Variants in MYOCD observed in about 807,000 individuals in gnomAD.
MYOCD encodes the protein myocardin.
Under a neutral mutation model 96.1 loss-of-function variants are expected in MYOCD, and 32 were observed. That is an observed-to-expected ratio of 0.33 (90% CI 0.25 to 0.45). The LOEUF (loss-of-function observed/expected upper bound fraction) is 0.45, where lower values mean the gene tolerates loss of function less well. Among genes scored for constraint, MYOCD ranks in the 20% least tolerant of loss-of-function variants. MYOCD has a pLI of 1.00. For missense variants in MYOCD, 1,133 were observed against 1,200.6 expected (o/e 0.94, Z 0.83); for synonymous variants, 469 against 469.0 (o/e 1.00, Z 0.00).
intron 1 of MYOCD, among the ~76,000 whole-genome samples, chr17:12,684,340 CGG>C (rs2029976914): frequency 6.6e-6 from 1 of 152,114 alleles, no homozygotes; most frequent in African/African-American, 2.4e-5. Flanking sequence ...AAAAACATGC[CGG>C]TGTAGCCCTC....
Position 12,698,166 on chromosome 17 carries a change from T to C in MYOCD, c.56-6962T>C, listed in dbSNP as rs574988280. ...AAAAGGGAGTTTACGGAAATTGATC[T>C]GCTAATGCTGCGTAACATGTATTGC... On this transcript the variant is annotated intron_variant, in intron 1 of 13. Transcript: ENST00000425538. Among the ~76,000 whole-genome samples the C allele has an allele frequency of 2.5e-4, 38 of 152,312 alleles. 1 individual carries two copies. The highest frequency in any genetic ancestry group is 8.9e-4 in the African/African-American group (37 of 41,566).
At chr17:12,741,686 G>C (rs1253209577) in intron 7 of MYOCD, among the ~76,000 whole-genome samples, 1 of 148,712 alleles carries the variant, frequency 6.7e-6, no homozygotes, top group Non-Finnish European at 1.5e-5. Context: ...CTCTAGCCTG[G>C]TCGACAGAGC....
At position 12,763,326 on chromosome 17, in the gene MYOCD, T is replaced by C; in HGVS notation, c.2643T>C (p.Pro881=). 1.2e-6 allele frequency: 2 copies of C among 1,607,582 alleles called. No individual in the cohort carries two copies. The highest frequency in any genetic ancestry group is 2.2e-5 in the East Asian group (1 of 44,844). The change falls in exon 14 of 14, where the codon CCT becomes CCC. Residue 881 remains proline, a synonymous_variant. Coordinates refer to ENST00000425538, the MANE Select transcript of MYOCD (RefSeq NM_001146312.3). ...VTLLKIGSEE[P]HFDGIMDGFS... ...TTCTAAAAATTGGGAGCGAAGAGCC[T>C]CACTTTGATGGGATAATGGATGGAT...
At position 12,758,019 on chromosome 17, in the gene MYOCD, A is replaced by G; in HGVS notation, c.2203-66A>G. Reference sequence around the variant, plus strand: ...TTCCAAAATTTAGCCTGTTGTTTCTAGAACAGAAACAACATAATTTCAGAT... The same window carrying G: ...TTCCAAAATTTAGCCTGTTGTTTCTGGAACAGAAACAACATAATTTCAGAT... On this transcript the variant is annotated intron_variant, in intron 11 of 13. Transcript: ENST00000425538. 5 of 1,291,234 alleles carry G rather than the reference A, an allele frequency of 3.9e-6. No homozygotes were observed. The East Asian group carries it at 7.0e-5, about 18-fold the overall frequency. 80.0% of individuals were successfully genotyped at this position (1,291,234 alleles called of 1,614,324 possible). A position where few individuals can be genotyped will look rare whatever the true frequency, so the allele number is the denominator to read the frequency against.
chr17:12,668,259 TCTC>T (rs1165858168), intron 1 of MYOCD, among the ~76,000 whole-genome samples: 1 of 151,934 alleles, frequency 6.6e-6, no homozygotes, highest in Non-Finnish European at 1.5e-5. Context: ...ATCATCTTCT[TCTC>T]CTCCTTCTCT....
intron 1 of MYOCD, among the ~76,000 whole-genome samples, chr17:12,676,317 TA>T (rs1487886691): frequency 3.4e-5 from 5 of 144,970 alleles, no homozygotes; most frequent in African/African-American, 1.3e-4. Context: ...CATAAGACAG[TA>T]AAAAAAGAAA....
chr17:12,679,997 A>G (rs771258538), intron 1 of MYOCD, among the ~76,000 whole-genome samples: 5 of 152,258 alleles, frequency 3.3e-5, no homozygotes, highest in Non-Finnish European at 7.3e-5. Flanking sequence ...CAAATTTTCT[A>G]TAATGAACAC....
intron 6 of MYOCD, 23 bp downstream of exon 6, chr17:12,736,359 G>A (rs761295860): frequency 1.9e-5 from 31 of 1,604,678 alleles, no homozygotes; most frequent in Admixed American, 8.7e-5. Flanking sequence ...ACAAACAAAC[G>A]AAAAAAGTAA....
At position 12,752,972 on chromosome 17, in the gene MYOCD, C is replaced by G. The variant is rs772816688; in HGVS notation, c.1684C>G (p.Pro562Ala). The change falls in exon 10 of 14, where the codon CCG (proline) becomes GCG (alanine). Residue 562 changes from proline (P) to alanine (A), a missense_variant. Pro to Ala is a conservative substitution (Grantham distance 27). Transcript: ENST00000425538. ...QKRNNCSEKK[P>A]LPFLAASIKQ... ...AAGGAATAACTGTTCAGAGAAGAAGCCGCTGCCTTTCCTGGCTGCCTCCAT... is the reference window on the plus strand; with the variant it reads ...AAGGAATAACTGTTCAGAGAAGAAGGCGCTGCCTTTCCTGGCTGCCTCCAT... 3.7e-6 allele frequency: 6 copies of G among 1,614,158 alleles called. No homozygotes were observed. The highest frequency in any genetic ancestry group is 1.1e-5 in the South Asian group (1 of 91,078).
intron 4 of MYOCD, among the ~76,000 whole-genome samples, chr17:12,719,173 T>TAAAAAAAAAA (rs2031741305): frequency 4.9e-5 from 1 of 20,486 alleles, no homozygotes. Flanking sequence ...AGACTCTGTC[T>TAAAAAAAAAA]CAAAAAAAAA....
intron 1 of MYOCD, among the ~76,000 whole-genome samples, chr17:12,699,457 T>C (rs2030953183): frequency 6.6e-6 from 1 of 152,188 alleles, no homozygotes; most frequent in Non-Finnish European, 1.5e-5. Context: ...CTTTTAGAAA[T>C]TCTGCTAAAA....
At chr17:12,724,798 A>G (rs1232773123) in intron 5 of MYOCD, among the ~76,000 whole-genome samples, 1 of 152,016 alleles carries the variant, frequency 6.6e-6, no homozygotes, top group African/African-American at 2.4e-5. Context: ...ATTTGTGTTA[A>G]TATCTGTCTT....
intron 1 of MYOCD, among the ~76,000 whole-genome samples, chr17:12,675,470 T>C (rs1402774845): frequency 6.6e-6 from 1 of 152,248 alleles, no homozygotes; most frequent in Non-Finnish European, 1.5e-5. Context: ...TAAAATTCTA[T>C]ATGAACTGAT....
chr17:12,693,211 G>A (rs1159266643), intron 1 of MYOCD, among the ~76,000 whole-genome samples: 1 of 152,116 alleles, frequency 6.6e-6, no homozygotes, highest in African/African-American at 2.4e-5. Context: ...CATGCGTAGG[G>A]TGGTGGTAGA....
rs199627020 is a variant in MYOCD at position 12,760,225 on chromosome 17, G to A, written c.2332-425G>A. On this transcript the variant is annotated intron_variant, in intron 12 of 13. Transcript: ENST00000425538. ...CATAGATCAACCTTAAGGACATTAC[G>A]CTTAGGGAAATAAGCTAGTTGCAAA... The A allele has an allele frequency of 4.1e-4, 78 of 192,012 alleles. 1 individual carries two copies. The highest frequency in any genetic ancestry group is 2.6e-3 in the South Asian group (23 of 8,992). The allele number at this position is 192,012 out of a possible 1,614,324, so 11.9% of individuals were successfully genotyped here.
At position 12,705,164 on chromosome 17, in the gene MYOCD, A is replaced by C; in HGVS notation, c.92A>C (p.Glu31Ala). 6.2e-7 allele frequency: 1 copy of C among 1,613,762 alleles called. No homozygotes were observed. Among genetic ancestry groups the C allele is most frequent in the Non-Finnish European group, 8.5e-7 (1 of 1,179,688 alleles). ...QLRLQQRRTQ[E>A]QLANQGIIPP... Reference sequence around the variant, plus strand: ...AGACTTCAACAAAGAAGGACCCAGGAACAACTGGCTAACCAAGGCATAATA... The same window carrying C: ...AGACTTCAACAAAGAAGGACCCAGGCACAACTGGCTAACCAAGGCATAATA... Residue 31 changes from glutamate (E) to alanine (A), a missense_variant, in exon 2 of 14, where the codon GAA becomes GCA. Coordinates refer to ENST00000425538, the MANE Select transcript of MYOCD (RefSeq NM_001146312.3).
At chr17:12,758,399 G>T (rs773524038) in intron 12 of MYOCD, 186 bp downstream of exon 12, 6 of 907,446 alleles carry the variant, frequency 6.6e-6, no homozygotes, top group African/African-American at 1.7e-5. Context: ...GCTGTGTGAG[G>T]CAGGGAGAGA....
intron 1 of MYOCD, among the ~76,000 whole-genome samples, chr17:12,692,750 C>T (rs935109383): frequency 3.9e-5 from 6 of 152,172 alleles, no homozygotes; most frequent in Admixed American, 6.5e-5. Context: ...ACCTGGTTCT[C>T]CCTCTTCTGA....
intron 5 of MYOCD, among the ~76,000 whole-genome samples, chr17:12,728,417 TCTC>T (rs2032063182): frequency 6.6e-6 from 1 of 152,112 alleles, no homozygotes; most frequent in African/African-American, 2.4e-5. Context: ...ACAAGCATCT[TCTC>T]CTAAAGTGTT....
Sources: allele counts gnomAD v4.1 joint callset (sites outside exome capture counted in the v4.1 genomes callset), GRCh38; gene constraint gnomAD v4.1.1; transcripts MANE v1.5; gene names NCBI Gene and HGNC (gene_info 2026-07-23, HGNC 2026-07-21).